Variants in MPDZ observed in about 807,000 individuals in gnomAD.
MPDZ encodes the protein multiple PDZ domain protein.
A neutral mutation model predicts 239.1 loss-of-function variants in MPDZ; 234 were observed. That is an observed-to-expected ratio of 0.98 (90% CI 0.88 to 1.09). MPDZ has a LOEUF of 1.09. Among genes scored for constraint, MPDZ ranks in the 50% least tolerant of loss-of-function variants. The probability of loss-of-function intolerance (pLI) is 0.00; values close to 1 mark genes in which losing one functional copy is unlikely to be tolerated. For missense variants in MPDZ, 3,175 were observed against 2,510.0 expected, an observed-to-expected ratio of 1.26 and a Z score of -5.66; for synonymous variants, 1,048 against 881.3, an observed-to-expected ratio of 1.19 and a Z score of -3.35.
chr9:13,130,521 A>C (rs1460982331), intron 32 of MPDZ, among the ~76,000 whole-genome samples: 24 of 152,206 alleles, frequency 1.6e-4, no homozygotes, highest in Admixed American at 1.6e-3. Flanking sequence ...TTCTCTCAGC[A>C]TGTGTATGTT....
chr9:13,169,036 A>G (rs1951452388), intron 21 of MPDZ, among the ~76,000 whole-genome samples: 1 of 152,180 alleles, frequency 6.6e-6, no homozygotes, highest in South Asian at 2.1e-4. Flanking sequence ...TATATGGCTA[A>G]TATGTGCCAA....
chr9:13,140,974 G>A (rs919581975), intron 27 of MPDZ: 3 of 151,846 alleles, frequency 2.0e-5, no homozygotes, highest in African/African-American at 7.3e-5. Flanking sequence ...TGGTTTTAAG[G>A]ACAACACCAG....
chr9:13,115,998 C>G (rs951477038), intron 39 of MPDZ, among the ~76,000 whole-genome samples: 4 of 148,990 alleles, frequency 2.7e-5, no homozygotes, highest in Non-Finnish European at 5.9e-5. Context: ...ACCACCACTA[C>G]CACCACCTCA....
chr9:13,228,951 T>C (rs1297376266), intron 3 of MPDZ, among the ~76,000 whole-genome samples: 8 of 152,136 alleles, frequency 5.3e-5, no homozygotes, highest in Admixed American at 1.3e-4. Context: ...AACTAGAGCA[T>C]CTCTGAATAG....
intron 3 of MPDZ, among the ~76,000 whole-genome samples, chr9:13,231,251 T>G (rs1962346028): frequency 6.6e-6 from 1 of 152,084 alleles, no homozygotes; most frequent in African/African-American, 2.4e-5. Flanking sequence ...AACAAATTCC[T>G]TGGTAACACA....
At chr9:13,141,071 T>C (rs1021495078) in intron 27 of MPDZ, 1 of 148,714 alleles carries the variant, frequency 6.7e-6, no homozygotes, top group African/African-American at 2.5e-5. Flanking sequence ...ATACTGGCTG[T>C]CACTTAGGGT....
intron 1 of MPDZ, among the ~76,000 whole-genome samples, chr9:13,272,830 A>G (rs950088809): frequency 8.5e-5 from 13 of 152,156 alleles, no homozygotes; most frequent in African/African-American, 2.9e-4. Context: ...GAGGAAATAC[A>G]TAAGCTTTAT....
intron 46 of MPDZ, among the ~76,000 whole-genome samples, chr9:13,107,696 G>T (rs1563805565): frequency 6.6e-6 from 1 of 152,128 alleles, no homozygotes; most frequent in East Asian, 1.9e-4. Flanking sequence ...CTTCCCAAGG[G>T]TAGAGAGATT....
chr9:13,267,175 TATA>T (rs1971968124), intron 1 of MPDZ, among the ~76,000 whole-genome samples: 1 of 152,198 alleles, frequency 6.6e-6, no homozygotes, highest in South Asian at 2.1e-4. Context: ...TATCGCATGT[TATA>T]ATAATGACTT....
intron 22 of MPDZ, 88 bp from the exon 23 acceptor site, chr9:13,162,883 C>G (rs1950636333): frequency 2.4e-6 from 2 of 822,776 alleles, no homozygotes; most frequent in Non-Finnish European, 3.9e-6. Context: ...GGAAACAAAT[C>G]ATATTGTCCC....
In MPDZ at chr9:13,192,244, A is replaced by T. The variant is rs192989424; in HGVS notation, c.1855T>A (p.Leu619Ile). 5.4e-5 allele frequency: 86 copies of T among 1,606,078 alleles called. No homozygotes were observed. The highest frequency in any genetic ancestry group is 5.0e-5 in the Non-Finnish European group (59 of 1,175,600). The change falls in exon 15 of 47, where the codon TTA becomes ATA. Residue 619 changes from leucine (L) to isoleucine (I), a missense_variant. Coordinates refer to ENST00000319217, the MANE Select transcript of MPDZ (RefSeq NM_001378778.1). ...GENHQDVVNI[L>I]KELPIEVTMV... ...GTCACTTCTATAGGCAGTTCTTTTA[A>T]GATATTCACCACATCTTGGTGATTT...
At chr9:13,121,327 C>T (rs1351220291) in intron 38 of MPDZ, among the ~76,000 whole-genome samples, 2 of 152,132 alleles carry the variant, frequency 1.3e-5, no homozygotes, top group Non-Finnish European at 2.9e-5. Flanking sequence ...TGGTCCCTTT[C>T]TCCTTTGCTA....
At chr9:13,144,244 T>C (rs942315521) in intron 26 of MPDZ, among the ~76,000 whole-genome samples, 3 of 152,122 alleles carry the variant, frequency 2.0e-5, no homozygotes, top group East Asian at 3.9e-4. Context: ...AAATTGCCCA[T>C]ATTACTGGAG....
chr9:13,263,349 G>A (rs1971113517), intron 1 of MPDZ, among the ~76,000 whole-genome samples: 1 of 146,070 alleles, frequency 6.8e-6, no homozygotes, highest in African/African-American at 2.5e-5. Context: ...TAGGACTAGA[G>A]ATGATTAGTG....
chr9:13,190,002 G>C (rs1954673314), intron 16 of MPDZ, 112 bp downstream of exon 16: 1 of 908,720 alleles, frequency 1.1e-6, no homozygotes, highest in African/African-American at 1.7e-5. Context: ...TATTTTGAAA[G>C]ACTGACTAGA....
intron 14 of MPDZ, 121 bp from the exon 15 acceptor site, chr9:13,192,416 G>A (rs1224680599): frequency 1.1e-5 from 9 of 803,416 alleles, no homozygotes; most frequent in South Asian, 2.1e-5. Flanking sequence ...ACTGTGCTCA[G>A]AACTATAGTG....
At chr9:13,275,415 C>A (rs1380800028) in intron 1 of MPDZ, among the ~76,000 whole-genome samples, 5 of 152,152 alleles carry the variant, frequency 3.3e-5, no homozygotes, top group Non-Finnish European at 5.9e-5. Flanking sequence ...AGAAACCAAT[C>A]CCACCAACAC....
At chr9:13,272,627 G>A (rs1442402404) in intron 1 of MPDZ, among the ~76,000 whole-genome samples, 1 of 150,844 alleles carries the variant, frequency 6.6e-6, no homozygotes, top group Non-Finnish European at 1.5e-5. Flanking sequence ...GGAGGCTGAG[G>A]CGGGGAGATC....
At chr9:13,148,789 C>T (rs1392547976) in intron 25 of MPDZ, among the ~76,000 whole-genome samples, 2 of 151,878 alleles carry the variant, frequency 1.3e-5, no homozygotes, top group Non-Finnish European at 2.9e-5. Context: ...CTTTAGAATC[C>T]TCAGGATTAC....
Sources: allele counts gnomAD v4.1 joint callset (sites outside exome capture counted in the v4.1 genomes callset), GRCh38; gene constraint gnomAD v4.1.1; transcripts MANE v1.5; gene names NCBI Gene and HGNC (gene_info 2026-07-23, HGNC 2026-07-21).